PLEKHA5: variants seen among roughly 807,000 people sequenced by gnomAD.
PLEKHA5 encodes the protein pleckstrin homology domain-containing family A member 5.
PLEKHA5 carries 55 observed loss-of-function variants against 181.9 expected under a neutral mutation model. The observed-to-expected ratio is 0.30, with a 90% CI of 0.24 to 0.38. The LOEUF is 0.38. PLEKHA5 is among the 10% of genes least tolerant of loss of function. PLEKHA5 has a pLI of 1.00. For synonymous variants in PLEKHA5, 535 were observed against 529.4 expected (o/e 1.01, Z -0.15); for missense variants, 1,432 against 1,549.5 (o/e 0.92, Z 1.27).
intron 3 of PLEKHA5, among the ~76,000 whole-genome samples, chr12:19,230,928 G>A (rs970671860): frequency 6.6e-6 from 1 of 152,310 alleles, no homozygotes; most frequent in East Asian, 1.9e-4. Flanking sequence ...GGTGAGTAAA[G>A]GACAACTTAT....
chr12:19,340,762 G>A (rs138008094), intron 21 of PLEKHA5, among the ~76,000 whole-genome samples: 148 of 140,426 alleles, frequency 1.1e-3, no homozygotes, highest in African/African-American at 3.5e-3. Flanking sequence ...CAGCATGCTC[G>A]TTAAGAGTCA....
chr12:19,207,079 A>G (rs2055731857), intron 3 of PLEKHA5, among the ~76,000 whole-genome samples: 2 of 152,152 alleles, frequency 1.3e-5, no homozygotes, highest in African/African-American at 4.8e-5. Context: ...AGTGTATAAA[A>G]TCTATAAAGT....
At chr12:19,364,474 G>A (rs900452757) in intron 29 of PLEKHA5, among the ~76,000 whole-genome samples, 10 of 151,886 alleles carry the variant, frequency 6.6e-5, no homozygotes, top group African/African-American at 2.4e-4. Flanking sequence ...TCCCGCCACT[G>A]TACTCCAGCC....
chr12:19,182,652 T>C (rs2151861917), intron 3 of PLEKHA5, among the ~76,000 whole-genome samples: 1 of 152,344 alleles, frequency 6.6e-6, no homozygotes, highest in South Asian at 2.1e-4. Flanking sequence ...TGCCTTGCAT[T>C]ATTGCCGTCA....
At chr12:19,370,010 C>G (rs967452497) in intron 31 of PLEKHA5, among the ~76,000 whole-genome samples, 2 of 152,210 alleles carry the variant, frequency 1.3e-5, no homozygotes, top group African/African-American at 4.8e-5. Flanking sequence ...TTTTCTTTGT[C>G]TCTTATTTCA....
At chr12:19,364,669 G>GT (rs71064097) in intron 29 of PLEKHA5, among the ~76,000 whole-genome samples, 17,341 of 147,156 alleles carry the variant, frequency 0.12, 1,024 homozygotes, top group Middle Eastern at 0.2. Context: ...ACTAATGTTT[G>GT]TTTTTTTTTT....
intron 3 of PLEKHA5, among the ~76,000 whole-genome samples, chr12:19,245,601 G>A (rs868631077): frequency 8.6e-5 from 13 of 151,484 alleles, no homozygotes; most frequent in Non-Finnish European, 1.8e-4. Context: ...GGTGGCAGGC[G>A]CCTGTAATCC....
chr12:19,270,689 T>C (rs2072413916), intron 10 of PLEKHA5, among the ~76,000 whole-genome samples: 1 of 152,196 alleles, frequency 6.6e-6, no homozygotes, highest in Non-Finnish European at 1.5e-5. Context: ...TTAAAAAATA[T>C]ATATTCCTGT....
intron 20 of PLEKHA5, among the ~76,000 whole-genome samples, chr12:19,333,066 C>T (rs145939761): frequency 0.03 from 4,532 of 152,262 alleles, 95 homozygotes; most frequent in Middle Eastern, 0.1. Flanking sequence ...GGGCAGATCA[C>T]CTGAGGTCAG....
chr12:19,303,110 C>T (rs940830506), intron 15 of PLEKHA5, among the ~76,000 whole-genome samples: 1 of 149,530 alleles, frequency 6.7e-6, no homozygotes, highest in Non-Finnish European at 1.5e-5. Flanking sequence ...TTAGTAGAGA[C>T]GGGGTTTCAC....
At chr12:19,368,254 G>A (rs935520536) in intron 30 of PLEKHA5, among the ~76,000 whole-genome samples, 36 of 151,686 alleles carry the variant, frequency 2.4e-4, no homozygotes, top group African/African-American at 8.5e-4. Flanking sequence ...ACTTTCGGAA[G>A]CCAAGGCAGG....
At chr12:19,341,592 ATAACT>A (rs1373816024) in intron 21 of PLEKHA5, among the ~76,000 whole-genome samples, 2 of 151,770 alleles carry the variant, frequency 1.3e-5, no homozygotes, top group African/African-American at 2.4e-5. Flanking sequence ...GGAAAACTAG[ATAACT>A]TAGGTTATGT....
At chr12:19,265,965 ATATAT>A (rs1252682920) in intron 8 of PLEKHA5, 115 bp downstream of exon 8, 10 of 509,864 alleles carry the variant, frequency 2.0e-5, no homozygotes, top group Non-Finnish European at 3.1e-5. Flanking sequence ...TATATTTAAA[ATATAT>A]TAATTAATGG....
chr12:19,182,749 C>G (rs993935302), intron 3 of PLEKHA5, among the ~76,000 whole-genome samples: 21 of 152,160 alleles, frequency 1.4e-4, no homozygotes, highest in African/African-American at 5.1e-4. Context: ...AGTATAAGTA[C>G]TGAACCCAAC....
intron 25 of PLEKHA5, among the ~76,000 whole-genome samples, chr12:19,350,085 C>G (rs908994063): frequency 1.3e-5 from 2 of 152,188 alleles, no homozygotes; most frequent in Non-Finnish European, 2.9e-5. Context: ...GCACTCCAGT[C>G]TGGGTGACAG....
intron 20 of PLEKHA5, among the ~76,000 whole-genome samples, chr12:19,328,859 T>A (rs931661160): frequency 6.6e-6 from 1 of 152,144 alleles, no homozygotes; most frequent in African/African-American, 2.4e-5. Flanking sequence ...GACTAGGACT[T>A]CCAGTACTAT....
At chr12:19,187,888 C>A (rs2050213949) in intron 3 of PLEKHA5, among the ~76,000 whole-genome samples, 1 of 152,070 alleles carries the variant, frequency 6.6e-6, no homozygotes, top group Admixed American at 6.6e-5. Flanking sequence ...ATGTTTCTTT[C>A]CCAGTTGGGT....
At chr12:19,252,943 A>G (rs996336383) in intron 3 of PLEKHA5, among the ~76,000 whole-genome samples, 1 of 151,938 alleles carries the variant, frequency 6.6e-6, no homozygotes, top group African/African-American at 2.4e-5. Context: ...TGGACCATAA[A>G]ACAGTGGAGG....
chr12:19,266,177 A>G (rs1231942944), intron 8 of PLEKHA5, among the ~76,000 whole-genome samples: 2 of 152,036 alleles, frequency 1.3e-5, no homozygotes, highest in Non-Finnish European at 2.9e-5. Context: ...GTATGTTTGA[A>G]TTTTTTAATA....
Sources: allele counts gnomAD v4.1 joint callset (sites outside exome capture counted in the v4.1 genomes callset), GRCh38; gene constraint gnomAD v4.1.1; transcripts MANE v1.5; gene names NCBI Gene and HGNC (gene_info 2026-07-23, HGNC 2026-07-21).